RASGRF1: variants seen among roughly 807,000 people sequenced by gnomAD.
The protein encoded by RASGRF1 is Ras protein specific guanine nucleotide releasing factor 1.
A neutral mutation model predicts 138.7 loss-of-function variants in RASGRF1; 40 were observed. That is an observed-to-expected ratio of 0.29 (90% confidence interval 0.22 to 0.38). The LOEUF is 0.38. Among genes scored for constraint, RASGRF1 ranks in the 10% least tolerant of loss-of-function variants. RASGRF1 has a pLI of 1.00. For missense variants in RASGRF1, 1,108 were observed against 1,650.4 expected, an observed-to-expected ratio of 0.67 and a Z score of 5.69; for synonymous variants, 614 against 663.2, an observed-to-expected ratio of 0.93 and a Z score of 1.14.
At chr15:79,089,042 C>T (rs766246291) in intron 1 of RASGRF1, among the ~76,000 whole-genome samples, 10 of 152,162 alleles carry the variant, frequency 6.6e-5, no homozygotes, top group Non-Finnish European at 7.3e-5. Flanking sequence ...AGACTTCAAG[C>T]GATGCTTTTA....
At chr15:79,070,717 T>A (rs1262202978) in intron 1 of RASGRF1, among the ~76,000 whole-genome samples, 2 of 152,212 alleles carry the variant, frequency 1.3e-5, no homozygotes, top group Non-Finnish European at 2.9e-5. Context: ...CAAGCAAGCA[T>A]CCAATGCATG....
intron 3 of RASGRF1, among the ~76,000 whole-genome samples, chr15:79,057,989 C>T (rs2057533040): frequency 6.6e-6 from 1 of 152,224 alleles, no homozygotes; most frequent in Non-Finnish European, 1.5e-5. Context: ...CAGTGGCTGA[C>T]ACAGTAACTA....
chr15:78,983,902 G>T (rs1318921800), intron 23 of RASGRF1, among the ~76,000 whole-genome samples: 2 of 152,206 alleles, frequency 1.3e-5, no homozygotes, highest in Non-Finnish European at 2.9e-5. Flanking sequence ...CAATCCCACT[G>T]GGTTGTAATG....
chr15:79,024,964 CCA>C (rs892637544), intron 10 of RASGRF1, among the ~76,000 whole-genome samples: 1 of 151,760 alleles, frequency 6.6e-6, no homozygotes, highest in Non-Finnish European at 1.5e-5. Context: ...CACAAAAACA[CCA>C]CACATACATA....
intron 19 of RASGRF1, among the ~76,000 whole-genome samples, chr15:78,996,004 C>A (rs1352542310): frequency 6.6e-6 from 1 of 152,206 alleles, no homozygotes; most frequent in Non-Finnish European, 1.5e-5. Flanking sequence ...CCTTCTGGGG[C>A]CCTCTCAGCC....
chr15:79,022,442 AAAAC>A (rs1247173494), intron 10 of RASGRF1, among the ~76,000 whole-genome samples: 1 of 152,036 alleles, frequency 6.6e-6, no homozygotes. Flanking sequence ...CTCCACCTCA[AAAAC>A]AAACAAACAA....
chr15:79,049,434 C>A, intron 4 of RASGRF1, 62 bp downstream of exon 4: 1 of 1,521,128 alleles, frequency 6.6e-7, no homozygotes, highest in East Asian at 2.3e-5. Flanking sequence ...ATACTGCCAA[C>A]CCTGGGCTGG....
chr15:79,033,895 ATCT>A (rs900546534), intron 6 of RASGRF1, among the ~76,000 whole-genome samples: 2 of 152,192 alleles, frequency 1.3e-5, no homozygotes, highest in Non-Finnish European at 2.9e-5. Flanking sequence ...CGGCCAAAAC[ATCT>A]TCTTATAAGT....
chr15:79,068,663 G>A (rs1258391820), intron 1 of RASGRF1, among the ~76,000 whole-genome samples: 1 of 151,600 alleles, frequency 6.6e-6, no homozygotes, highest in African/African-American at 2.4e-5. Context: ...GATATATCTG[G>A]AGAATGTGAA....
chr15:78,979,015 G>A lies in RASGRF1; in HGVS notation c.3494+1605C>T, dbSNP rs951217408. 60 of 1,293,878 alleles carry A rather than the reference G, an allele frequency of 4.6e-5. No homozygotes were observed. The African/African-American group carries it at 6.2e-4, about 13-fold the overall frequency. The allele number at this position is 1,293,878 out of a possible 1,614,324, so 80.1% of individuals were successfully genotyped here. On this transcript the variant is annotated intron_variant, in intron 24 of 26. Coordinates refer to ENST00000558480, the MANE Select transcript of RASGRF1 (RefSeq NM_001145648.3). ...GGGCCCCAGAGGCAGTGGAGGCAGC[G>A]GTGGTGGCGGCGGCAGACGAGGAAG...
At chr15:79,004,274 G>C in intron 14 of RASGRF1, 99 bp from the exon 15 acceptor site, 2 of 1,392,816 alleles carry the variant, frequency 1.4e-6, no homozygotes, top group East Asian at 2.3e-5. Flanking sequence ...TGGCAGCAAC[G>C]GCTCCATCAT....
intron 20 of RASGRF1, among the ~76,000 whole-genome samples, chr15:78,993,732 G>A (rs910698513): frequency 3.3e-5 from 5 of 152,132 alleles, no homozygotes; most frequent in African/African-American, 1.2e-4. Flanking sequence ...GTGAGCTCAA[G>A]GGGCTGGGTG....
At chr15:78,976,581 CA>C in intron 24 of RASGRF1, among the ~76,000 whole-genome samples, 1 of 152,074 alleles carries the variant, frequency 6.6e-6, no homozygotes, top group East Asian at 1.9e-4. Context: ...CACACACACA[CA>C]CACCCATCCG....
intron 13 of RASGRF1, chr15:79,012,650 A>C: frequency 7.1e-7 from 1 of 1,412,104 alleles, no homozygotes. Context: ...TTTTTCTTTC[A>C]TAGGTGATTT....
intron 1 of RASGRF1, among the ~76,000 whole-genome samples, chr15:79,066,584 G>A (rs544436933): frequency 6.6e-6 from 1 of 152,332 alleles, no homozygotes; most frequent in South Asian, 2.1e-4. Context: ...GGTCACCAGG[G>A]GACTCAGAGC....
At chr15:79,007,985 G>A (rs185096107) in intron 13 of RASGRF1, among the ~76,000 whole-genome samples, 2 of 152,088 alleles carry the variant, frequency 1.3e-5, no homozygotes, top group African/African-American at 4.8e-5. Context: ...TGGGATTACA[G>A]GCATGCGCCA....
chr15:79,050,392 C>T lies in RASGRF1; in HGVS notation c.532-804G>A, dbSNP rs573718701. 6.6e-6 allele frequency among the ~76,000 whole-genome samples: 1 copy of T among 152,314 alleles called. No homozygotes were observed. The highest frequency in any genetic ancestry group is 2.4e-5 in the African/African-American group (1 of 41,558). Reference sequence around the variant, plus strand: ...GTAGACCACATTTTATTTATCCATTCCCCCTTTGATGGGCATCTAGGTAAT... The same window carrying T: ...GTAGACCACATTTTATTTATCCATTTCCCCTTTGATGGGCATCTAGGTAAT... On this transcript the variant is annotated intron_variant, in intron 3 of 26. Transcript: ENST00000558480. This position sits in a 1 kb window ranked among gnomAD's most constrained non-coding sequence, Gnocchi z 4.1.
chr15:79,024,428 T>C (rs922270486), intron 10 of RASGRF1, among the ~76,000 whole-genome samples: 3 of 150,156 alleles, frequency 2.0e-5, no homozygotes, highest in Non-Finnish European at 4.5e-5. Flanking sequence ...CACACATGCA[T>C]ACACACACCA....
rs1301052138 is a variant in RASGRF1, at chr15:78,968,837, GA to G, written c.3681+3028del. ...TTCAAATTTGGCTTGCCTTTAGCAA[GA>G]ATCCCCCCACCTTGATATCTGCTCA... On this transcript the variant is annotated intron_variant, in intron 26 of 26. Coordinates refer to ENST00000558480, the MANE Select transcript of RASGRF1 (RefSeq NM_001145648.3). Among the ~76,000 whole-genome samples, 3 of 152,142 alleles carry G rather than the reference GA, an allele frequency of 2.0e-5. 1 individual carries two copies. The South Asian group carries it at 6.2e-4, about 31-fold the overall frequency.
Sources: allele counts gnomAD v4.1 joint callset (sites outside exome capture counted in the v4.1 genomes callset), GRCh38; gene constraint gnomAD v4.1.1; non-coding constraint Gnocchi (gnomAD v3.1); transcripts MANE v1.5; gene names NCBI Gene and HGNC (gene_info 2026-07-23, HGNC 2026-07-21).